SLC9A9: variants seen among roughly 807,000 people sequenced by gnomAD.
SLC9A9 encodes solute carrier family 9 member A9.
A neutral mutation model predicts 77.8 loss-of-function variants in SLC9A9; 62 were observed. That is an observed-to-expected ratio of 0.80 (90% CI 0.65 to 0.98). The LOEUF is 0.98. Ranked by LOEUF, SLC9A9 falls within the 50% of genes least tolerant of loss-of-function variation. The pLI, the probability that SLC9A9 is intolerant of heterozygous loss-of-function variation, is 0.00. For synonymous variants in SLC9A9, 320 were observed against 283.5 expected, an observed-to-expected ratio of 1.13 and a Z score of -1.29; for missense variants, 775 against 774.9, an observed-to-expected ratio of 1.00 and a Z score of 0.00.
At chr3:143,576,650 T>G (rs746162612) in intron 7 of SLC9A9, among the ~76,000 whole-genome samples, 23 of 152,340 alleles carry the variant, frequency 1.5e-4, no homozygotes, top group Middle Eastern at 3.4e-3. Flanking sequence ...GTTCGGCCTC[T>G]TGATTCTCAC....
intron 12 of SLC9A9, among the ~76,000 whole-genome samples, chr3:143,465,815 T>A (rs1172208312): frequency 6.6e-6 from 1 of 152,238 alleles, no homozygotes; most frequent in East Asian, 1.9e-4. Flanking sequence ...GTCACATTTA[T>A]GTGCCTAGGA....
At chr3:143,741,795 GA>G in intron 4 of SLC9A9, among the ~76,000 whole-genome samples, 2 of 152,212 alleles carry the variant, frequency 1.3e-5, no homozygotes, top group Middle Eastern at 6.8e-3. Flanking sequence ...GCAAAATTAT[GA>G]CTGAGACAGT....
At chr3:143,273,132 C>A (rs999505221) in intron 14 of SLC9A9, among the ~76,000 whole-genome samples, 3 of 152,220 alleles carry the variant, frequency 2.0e-5, no homozygotes, top group Non-Finnish European at 2.9e-5. Flanking sequence ...CCAATGGGTA[C>A]ACAGCTTAAG....
chr3:143,401,537 A>C (rs1235497115), intron 12 of SLC9A9, among the ~76,000 whole-genome samples: 1 of 152,210 alleles, frequency 6.6e-6, no homozygotes, highest in Non-Finnish European at 1.5e-5. Context: ...ACTGGAAACT[A>C]AGTTTTCAGG....
rs530219844 is a variant in SLC9A9 at position 143,702,351 on chromosome 3, T to C, written c.534-9044A>G. Among the ~76,000 whole-genome samples the C allele has an allele frequency of 3.9e-5, 6 of 152,094 alleles. No homozygotes were observed. In the East Asian group the frequency reaches 9.7e-4, roughly 24 times the overall value. ...TGATGAACCAATCAAAAATAATAACTACAACTTCTCAAGACATAGACAGTA... is the reference window on the plus strand; with the variant it reads ...TGATGAACCAATCAAAAATAATAACCACAACTTCTCAAGACATAGACAGTA... On this transcript the variant is annotated intron_variant, in intron 4 of 15. Coordinates refer to ENST00000316549, the MANE Select transcript of SLC9A9 (RefSeq NM_173653.4).
chr3:143,468,044 G>A (rs1022394684), intron 11 of SLC9A9, among the ~76,000 whole-genome samples: 1 of 152,166 alleles, frequency 6.6e-6, no homozygotes, highest in African/African-American at 2.4e-5. Flanking sequence ...CAGTCTGGGT[G>A]TTCTACAGTT....
At chr3:143,821,587 A>G (rs1366080699) in intron 2 of SLC9A9, among the ~76,000 whole-genome samples, 1 of 152,200 alleles carries the variant, frequency 6.6e-6, no homozygotes, top group Non-Finnish European at 1.5e-5. Context: ...CAATTCTCCT[A>G]AAAATGAAAT....
At chr3:143,758,632 A>T (rs575901693) in intron 4 of SLC9A9, among the ~76,000 whole-genome samples, 1 of 152,242 alleles carries the variant, frequency 6.6e-6, no homozygotes, top group South Asian at 2.1e-4. Flanking sequence ...TTCAAAATAG[A>T]GGATAGTTAG....
intron 14 of SLC9A9, among the ~76,000 whole-genome samples, chr3:143,348,225 G>A (rs928416416): frequency 6.6e-6 from 1 of 152,032 alleles, no homozygotes; most frequent in Non-Finnish European, 1.5e-5. Flanking sequence ...TCTTGATCTC[G>A]ACCTTGTGAT....
At chr3:143,708,213 C>A (rs1276453764) in intron 4 of SLC9A9, among the ~76,000 whole-genome samples, 1 of 152,132 alleles carries the variant, frequency 6.6e-6, no homozygotes. Flanking sequence ...TCTATCATAT[C>A]CACTATCTGG....
intron 12 of SLC9A9, among the ~76,000 whole-genome samples, chr3:143,424,355 C>T (rs1359552654): frequency 6.6e-6 from 1 of 151,944 alleles, no homozygotes; most frequent in Non-Finnish European, 1.5e-5. Context: ...CAAGTTCCGC[C>T]TCCCGGGTTC....
intron 14 of SLC9A9, among the ~76,000 whole-genome samples, chr3:143,321,569 G>T (rs1354089299): frequency 1.3e-5 from 2 of 152,088 alleles, no homozygotes; most frequent in Non-Finnish European, 2.9e-5. Flanking sequence ...ACTTTGTGTG[G>T]TCTGTATTCT....
intron 4 of SLC9A9, among the ~76,000 whole-genome samples, chr3:143,777,350 G>A (rs2007724147): frequency 6.6e-6 from 1 of 152,042 alleles, no homozygotes; most frequent in African/African-American, 2.4e-5. Context: ...ATAAAATTTT[G>A]ATCAAAGTTT....
intron 9 of SLC9A9, chr3:143,517,582 A>G (rs9819535): frequency 0.29 from 463,188 of 1,597,046 alleles, 73,562 homozygotes; most frequent in Non-Finnish European, 0.33. Flanking sequence ...TTGCACTAGC[A>G]TCTTCATCAT....
intron 15 of SLC9A9, among the ~76,000 whole-genome samples, chr3:143,268,499 C>T (rs1029769327): frequency 9.2e-5 from 14 of 151,876 alleles, no homozygotes; most frequent in African/African-American, 2.7e-4. Context: ...TTTGGGAGGT[C>T]GAGGCAGGTG....
At chr3:143,355,166 C>A (rs1396415879) in intron 14 of SLC9A9, among the ~76,000 whole-genome samples, 1 of 152,138 alleles carries the variant, frequency 6.6e-6, no homozygotes, top group African/African-American at 2.4e-5. Flanking sequence ...ATTTATAGCC[C>A]AAGTGAAACC....
chr3:143,282,198 T>G (rs1938240327), intron 14 of SLC9A9, among the ~76,000 whole-genome samples: 1 of 152,084 alleles, frequency 6.6e-6, no homozygotes, highest in South Asian at 2.1e-4. Context: ...TGAACCAGAG[T>G]TGCTTCTCTT....
chr3:143,447,643 G>A (rs1238871940), intron 12 of SLC9A9, among the ~76,000 whole-genome samples: 1 of 152,120 alleles, frequency 6.6e-6, no homozygotes, highest in Admixed American at 6.6e-5. Flanking sequence ...CCTATGCAAT[G>A]GACAAGCTTG....
chr3:143,666,411 C>T (rs1366179646), intron 5 of SLC9A9, among the ~76,000 whole-genome samples: 2 of 152,096 alleles, frequency 1.3e-5, no homozygotes, highest in Admixed American at 6.6e-5. Context: ...AGCATTCCCT[C>T]TGAAAACTGA....
Sources: allele counts gnomAD v4.1 joint callset (sites outside exome capture counted in the v4.1 genomes callset), GRCh38; gene constraint gnomAD v4.1.1; transcripts MANE v1.5; gene names NCBI Gene and HGNC (gene_info 2026-07-23, HGNC 2026-07-21).